Variants in DCC observed in about 807,000 individuals in gnomAD.
DCC encodes DCC netrin 1 receptor.
In DCC, 58 loss-of-function variants were observed where a neutral mutation model predicts 172.5. The observed-to-expected ratio is 0.34, with a 90% confidence interval of 0.27 to 0.42. DCC has a LOEUF of 0.42. Among genes scored for constraint, DCC ranks in the 10% least tolerant of loss-of-function variants. The probability of loss-of-function intolerance (pLI) is 1.00; values close to 1 mark genes in which losing one functional copy is unlikely to be tolerated. For missense variants in DCC, 1,740 were observed against 1,791.0 expected, an observed-to-expected ratio of 0.97 and a Z score of 0.51; for synonymous variants, 709 against 644.5, an observed-to-expected ratio of 1.10 and a Z score of -1.52.
chr18:52,662,975 G>C (rs1206867850), intron 1 of DCC, among the ~76,000 whole-genome samples: 1 of 152,092 alleles, frequency 6.6e-6, no homozygotes, highest in Non-Finnish European at 1.5e-5. Context: ...ACACCCTGGG[G>C]ACTAGGATTT....
intron 1 of DCC, among the ~76,000 whole-genome samples, chr18:52,446,579 G>A (rs1988130524): frequency 6.6e-6 from 1 of 152,132 alleles, no homozygotes; most frequent in African/African-American, 2.4e-5. Flanking sequence ...ACTTTTATAG[G>A]GCTTCATCAT....
rs1455555610 is a variant in DCC at position 53,529,032 on chromosome 18, TCTCTCTCACA to T, written c.4255-1530_4255-1521del. On this transcript the variant is annotated intron_variant, in intron 28 of 28. Coordinates refer to ENST00000442544, the MANE Select transcript of DCC (RefSeq NM_005215.4). ...CTCTCTCTCTCTCTCTCTCTCTCTC[TCTCTCTCACA>T]CACACACACACACACACACACACAC... Among the ~76,000 whole-genome samples the T allele has an allele frequency of 7.8e-3, 508 of 65,126 alleles. 5 individuals are homozygous for T. The highest frequency in any genetic ancestry group is 0.046 in the Admixed American group (295 of 6,476). The allele number at this position is 65,126 out of a possible 152,430, so 42.7% of individuals were successfully genotyped here.
intron 23 of DCC, among the ~76,000 whole-genome samples, chr18:53,455,645 A>C (rs2045473804): frequency 6.6e-6 from 1 of 152,214 alleles, no homozygotes; most frequent in Non-Finnish European, 1.5e-5. Flanking sequence ...ACAAAGTAAC[A>C]AATCTGATTA....
intron 1 of DCC, among the ~76,000 whole-genome samples, chr18:52,538,670 C>G (rs1196442311): frequency 6.6e-6 from 1 of 152,174 alleles, no homozygotes; most frequent in Non-Finnish European, 1.5e-5. Flanking sequence ...ACAGGGCCAG[C>G]CTTGCTATCC....
At chr18:52,920,109 GA>G (rs906370854) in intron 3 of DCC, among the ~76,000 whole-genome samples, 1 of 150,238 alleles carries the variant, frequency 6.7e-6, no homozygotes, top group African/African-American at 2.4e-5. Flanking sequence ...ACAAAATTAT[GA>G]AACTTCTAGA....
intron 5 of DCC, among the ~76,000 whole-genome samples, chr18:53,047,267 T>A (rs1376742415): frequency 3.7e-3 from 62 of 16,886 alleles, no homozygotes; most frequent in African/African-American, 0.028. Context: ...TATATATATA[T>A]ATATATATAT....
chr18:53,313,967 C>A (rs1446357529), intron 13 of DCC, among the ~76,000 whole-genome samples: 1 of 152,186 alleles, frequency 6.6e-6, no homozygotes, highest in African/African-American at 2.4e-5. Context: ...AGAAAGTAAC[C>A]TGGAAATCAC....
chr18:52,890,299 G>A (rs1413228463), intron 2 of DCC, among the ~76,000 whole-genome samples: 1 of 152,032 alleles, frequency 6.6e-6, no homozygotes, highest in Non-Finnish European at 1.5e-5. Context: ...ATTGAACACA[G>A]GGTTGGAGCC....
intron 9 of DCC, among the ~76,000 whole-genome samples, chr18:53,203,797 T>G (rs1333037143): frequency 2.0e-5 from 3 of 152,346 alleles, no homozygotes; most frequent in Middle Eastern, 3.4e-3. Context: ...GACAACATTA[T>G]TAAGTAAGGC....
intron 9 of DCC, among the ~76,000 whole-genome samples, chr18:53,181,091 A>G (rs1249379444): frequency 6.6e-6 from 1 of 152,216 alleles, no homozygotes; most frequent in African/African-American, 2.4e-5. Context: ...ACAATTTAAA[A>G]ACTCTTGAAA....
At chr18:53,478,355 C>G (rs1335791651) in intron 25 of DCC, among the ~76,000 whole-genome samples, 1 of 152,172 alleles carries the variant, frequency 6.6e-6, no homozygotes, top group East Asian at 1.9e-4. Flanking sequence ...GATGGTATTG[C>G]ACAATCGGAT....
intron 27 of DCC, among the ~76,000 whole-genome samples, chr18:53,520,882 C>A (rs2046391876): frequency 6.6e-6 from 1 of 152,002 alleles, no homozygotes; most frequent in African/African-American, 2.4e-5. Context: ...ATTGCCCTTT[C>A]AAGGAAAGGA....
In DCC at chr18:52,951,074, T is replaced by C. The variant is rs148882799; in HGVS notation, c.985+25704T>C. Among the ~76,000 whole-genome samples the C allele has an allele frequency of 7.9e-5, 12 of 151,186 alleles. 1 individual carries two copies. In the East Asian group the frequency reaches 2.4e-3, roughly 30 times the overall value. On this transcript the variant is annotated intron_variant, in intron 5 of 28. Coordinates refer to ENST00000442544, the MANE Select transcript of DCC (RefSeq NM_005215.4). ...TCCAAAGCATCTCCTGGCTTGTTGC[T>C]CGGTCCTGCATTGCCAGCAAGCTAG... is the stretch of plus-strand genomic sequence containing the variant.
chr18:53,517,959 G>GGTAGA (rs1177736449), intron 27 of DCC, among the ~76,000 whole-genome samples: 1 of 152,060 alleles, frequency 6.6e-6, no homozygotes, highest in East Asian at 1.9e-4. Context: ...AAGATGAAAG[G>GGTAGA]GTAGAGTATT....
At chr18:53,303,744 C>T (rs187776835) in intron 12 of DCC, among the ~76,000 whole-genome samples, 1 of 152,132 alleles carries the variant, frequency 6.6e-6, no homozygotes, top group South Asian at 2.1e-4. Flanking sequence ...ACTCCCAAAT[C>T]CCCAGTGAGT....
Position 53,513,836 on chromosome 18 carries a change from C to CGACTT in DCC, c.4112-12780_4112-12776dup, listed in dbSNP as rs1474364653. The stretch of plus-strand genomic sequence containing the variant: ...AGCAAGTCCTGAGTGACCTACAAAG[C>CGACTT]GACTTAGACTCCCACACATTAATAA... On this transcript the variant is annotated intron_variant, in intron 27 of 28. Transcript: ENST00000442544. Among the ~76,000 whole-genome samples, 268 of 147,702 alleles carry CGACTT rather than the reference C, an allele frequency of 1.8e-3. 2 individuals are homozygous for CGACTT. The highest frequency in any genetic ancestry group is 6.7e-3 in the African/African-American group (257 of 38,584).
chr18:52,859,220 G>C (rs934973777), intron 2 of DCC, among the ~76,000 whole-genome samples: 9 of 152,170 alleles, frequency 5.9e-5, no homozygotes, highest in Admixed American at 3.9e-4. Flanking sequence ...GTTGTTATGA[G>C]AGCTTGACTT....
intron 8 of DCC, among the ~76,000 whole-genome samples, chr18:53,175,931 C>T (rs1382245681): frequency 4.6e-5 from 7 of 152,058 alleles, no homozygotes; most frequent in Non-Finnish European, 8.8e-5. Context: ...CAAACTATAC[C>T]ACAAGGCTAC....
chr18:53,468,003 C>T lies in DCC; in HGVS notation c.3729C>T (p.Asn1243=), dbSNP rs778390025. The T allele has an allele frequency of 1.9e-6, 3 of 1,545,002 alleles. No homozygotes were observed. The Admixed American group carries it at 5.0e-5, about 26-fold the overall frequency. ...KLMIPMDAQS[N]NPAVVSAIPV... ...TGATTCCCATGGATGCCCAGTCCAA[C>T]AATCCTGGTGAGTCAATATTGGTGC... The change falls in exon 25 of 29, where the codon AAC becomes AAT. Residue 1243 remains asparagine, a synonymous_variant. Transcript: ENST00000442544.
Sources: gnomAD v4.1 joint callset for allele counts (sites outside exome capture counted in the v4.1 genomes callset) on GRCh38, gnomAD v4.1.1 for gene constraint, MANE v1.5 for transcripts, NCBI Gene and HGNC (gene_info 2026-07-23, HGNC 2026-07-21) for gene names.